NRXN3: variants seen among roughly 807,000 people sequenced by gnomAD.
NRXN3 encodes the protein neurexin III.
NRXN3 carries 32 observed loss-of-function variants against 137.6 expected under a neutral mutation model. The ratio of observed to expected loss-of-function variants is 0.23; its 90% CI spans 0.18 to 0.31. The LOEUF (loss-of-function observed/expected upper bound fraction) is 0.31. Ranked by LOEUF, NRXN3 falls within the 10% of genes least tolerant of loss-of-function variation. NRXN3 has a pLI of 1.00. For missense variants in NRXN3, 1,574 were observed against 2,062.5 expected (o/e 0.76, Z 4.59); for synonymous variants, 798 against 784.5 (o/e 1.02, Z -0.29).
chr14:78,466,187 A>G (rs1464010109), intron 4 of NRXN3, among the ~76,000 whole-genome samples: 1 of 152,132 alleles, frequency 6.6e-6, no homozygotes, highest in Non-Finnish European at 1.5e-5. Context: ...AAACAAACAG[A>G]CAAACAACAA....
intron 10 of NRXN3, among the ~76,000 whole-genome samples, chr14:78,832,726 G>A (rs1478787435): frequency 1.3e-5 from 2 of 152,132 alleles, no homozygotes; most frequent in Non-Finnish European, 2.9e-5. Context: ...CTCAGCTGTG[G>A]TTTAAATAAT....
At chr14:79,495,700 A>T (rs1241780120) in intron 16 of NRXN3, among the ~76,000 whole-genome samples, 3 of 152,176 alleles carry the variant, frequency 2.0e-5, no homozygotes, top group Admixed American at 6.5e-5. Context: ...TACACAATAG[A>T]TAGGAAAATT....
Position 78,926,763 on chromosome 14 carries a change from TA to T in NRXN3, c.2276-30478del, listed in dbSNP as rs1399664167. On this transcript the variant is annotated intron_variant, in intron 10 of 20. Coordinates refer to ENST00000335750, the MANE Select transcript of NRXN3 (RefSeq NM_001330195.2). ...TATATATTATATATTATATATATAT[TA>T]TATATATTATATATATAAAATATAT... Among the ~76,000 whole-genome samples, 51 of 45,540 alleles carry T rather than the reference TA, an allele frequency of 1.1e-3. 1 individual carries two copies. In the East Asian group the frequency reaches 0.028, roughly 25 times the overall value. The allele number at this position is 45,540 out of a possible 152,430, so 29.9% of individuals were successfully genotyped here.
chr14:79,296,079 T>A (rs188636343), intron 15 of NRXN3, among the ~76,000 whole-genome samples: 2 of 152,308 alleles, frequency 1.3e-5, no homozygotes, highest in Admixed American at 1.3e-4. Flanking sequence ...ATTGCATTGC[T>A]GTTATTTATT....
At position 79,302,630 on chromosome 14, in the gene NRXN3, G is replaced by T. The variant is rs576328478; in HGVS notation, c.3263-164591G>T. On this transcript the variant is annotated intron_variant, in intron 15 of 20. Coordinates refer to ENST00000335750, the MANE Select transcript of NRXN3 (RefSeq NM_001330195.2). ...TGCAGAGGGAGGGACCTAGTGGGAGGTGATTGGATCATGAGGGCAGTTTCC... is the reference window on the plus strand; with the variant it reads ...TGCAGAGGGAGGGACCTAGTGGGAGTTGATTGGATCATGAGGGCAGTTTCC... Among the ~76,000 whole-genome samples, 7 of 151,988 alleles carry T rather than the reference G, an allele frequency of 4.6e-5. No homozygotes were observed. In the East Asian group the frequency reaches 1.4e-3, roughly 30 times the overall value.
chr14:78,537,091 G>C (rs765230324), intron 4 of NRXN3, among the ~76,000 whole-genome samples: 4 of 152,126 alleles, frequency 2.6e-5, no homozygotes, highest in Admixed American at 2.6e-4. Flanking sequence ...CTTTATAGTA[G>C]CATGATTTAT....
intron 8 of NRXN3, among the ~76,000 whole-genome samples, chr14:78,728,234 T>C (rs2098496264): frequency 6.6e-6 from 1 of 152,250 alleles, no homozygotes; most frequent in African/African-American, 2.4e-5. Context: ...TGGGTCCTTG[T>C]GATTTTTTTT....
At chr14:79,393,325 C>A (rs1205067435) in intron 15 of NRXN3, among the ~76,000 whole-genome samples, 2 of 152,160 alleles carry the variant, frequency 1.3e-5, no homozygotes, top group African/African-American at 4.8e-5. Flanking sequence ...GCAGAATATT[C>A]CACTTGCCAT....
chr14:78,303,006 A>G (rs1233308450), intron 4 of NRXN3, among the ~76,000 whole-genome samples: 1 of 152,104 alleles, frequency 6.6e-6, no homozygotes, highest in Non-Finnish European at 1.5e-5. Flanking sequence ...GCGGCCCACA[A>G]ATGGAGTGCA....
chr14:78,589,439 C>T (rs188293721), intron 4 of NRXN3, among the ~76,000 whole-genome samples: 2 of 152,326 alleles, frequency 1.3e-5, no homozygotes, highest in East Asian at 1.9e-4. Flanking sequence ...TTCATTTCAT[C>T]TACTTGCTGC....
chr14:79,267,929 A>T (rs751629325), intron 15 of NRXN3, among the ~76,000 whole-genome samples: 3 of 152,212 alleles, frequency 2.0e-5, no homozygotes, highest in Non-Finnish European at 4.4e-5. Context: ...TCTTAAAAGA[A>T]TGGGGCTCTC....
chr14:79,567,913 G>A (rs1230780621), intron 16 of NRXN3, among the ~76,000 whole-genome samples: 1 of 152,106 alleles, frequency 6.6e-6, no homozygotes, highest in African/African-American at 2.4e-5. Context: ...AGGGTTTTCA[G>A]TGTCTTCAAA....
intron 15 of NRXN3, among the ~76,000 whole-genome samples, chr14:79,152,953 G>A (rs2059934279): frequency 1.3e-5 from 2 of 151,706 alleles, no homozygotes. Context: ...TTTTATTCTT[G>A]GTCACTGCTA....
chr14:78,741,556 T>C (rs1162955462), intron 8 of NRXN3, among the ~76,000 whole-genome samples: 1 of 152,196 alleles, frequency 6.6e-6, no homozygotes, highest in African/African-American at 2.4e-5. Context: ...ACCTATTTAA[T>C]GCATACAACT....
At chr14:78,523,643 C>CAAAAA (rs3036598) in intron 4 of NRXN3, among the ~76,000 whole-genome samples, 79 of 77,700 alleles carry the variant, frequency 1.0e-3, no homozygotes, top group African/African-American at 1.7e-3. Flanking sequence ...ACTACAAATA[C>CAAAAA]AAAAAAAAAA....
At chr14:78,294,384 G>A (rs1263155717) in intron 3 of NRXN3, among the ~76,000 whole-genome samples, 3 of 151,762 alleles carry the variant, frequency 2.0e-5, no homozygotes, top group South Asian at 2.1e-4. Context: ...GCAAAACCCC[G>A]TCTCTGCTGA....
intron 16 of NRXN3, among the ~76,000 whole-genome samples, chr14:79,557,313 C>T (rs2097440059): frequency 6.7e-6 from 1 of 148,856 alleles, no homozygotes; most frequent in Non-Finnish European, 1.5e-5. Context: ...ACCTCCTCCC[C>T]CTGCCCCCTG....
At chr14:78,592,881 T>C (rs2097128690) in intron 4 of NRXN3, among the ~76,000 whole-genome samples, 1 of 152,188 alleles carries the variant, frequency 6.6e-6, no homozygotes, top group Non-Finnish European at 1.5e-5. Context: ...AGTTAATCTG[T>C]AGTAGGACCC....
At chr14:78,845,037 G>A (rs940614020) in intron 10 of NRXN3, among the ~76,000 whole-genome samples, 1 of 151,718 alleles carries the variant, frequency 6.6e-6, no homozygotes, top group Non-Finnish European at 1.5e-5. Flanking sequence ...TAACAAACCA[G>A]TGATGTCTGT....
Sources: allele counts gnomAD v4.1 joint callset (sites outside exome capture counted in the v4.1 genomes callset), GRCh38; gene constraint gnomAD v4.1.1; transcripts MANE v1.5; gene names NCBI Gene and HGNC (gene_info 2026-07-23, HGNC 2026-07-21).